SGIP1: variants seen among roughly 807,000 people sequenced by gnomAD.
SGIP1 encodes the protein SH3-containing GRB2-like protein 3-interacting protein 1.
In SGIP1, 38 loss-of-function variants were observed where a neutral mutation model predicts 107.5. The ratio of observed to expected loss-of-function variants is 0.35; its 90% CI spans 0.27 to 0.46. The LOEUF is 0.46. Among genes scored for constraint, SGIP1 ranks in the 20% least tolerant of loss-of-function variants. The pLI is 1.00. For synonymous variants in SGIP1, 365 were observed against 366.1 expected, an observed-to-expected ratio of 1.00 and a Z score of 0.03; for missense variants, 929 against 1,019.5, an observed-to-expected ratio of 0.91 and a Z score of 1.21.
In SGIP1 at chr1:66,744,689, T is replaced by C. The variant is rs1439438612; in HGVS notation, c.*1594T>C. ...AATGAGATTGTGACTGGCAATTGTT[T>C]ATAGTGAAACTTTTTAAATTAATCT... On this transcript the variant is annotated 3_prime_UTR_variant, in exon 25 of 25. Coordinates refer to ENST00000371037, the MANE Select transcript of SGIP1 (RefSeq NM_032291.4). 2 of 152,218 alleles carry C rather than the reference T, an allele frequency of 1.3e-5. No homozygotes were observed. Among genetic ancestry groups the C allele is most frequent in the African/African-American group, 4.8e-5 (2 of 41,464 alleles). The allele number at this position is 152,218 out of a possible 1,614,324, so 9.4% of individuals were successfully genotyped here. A position where few individuals can be genotyped will look rare whatever the true frequency, so the allele number is the denominator to read the frequency against.
upstream of SGIP1, chr1:66,534,052 G>A (rs902465020): frequency 8.2e-6 from 4 of 485,378 alleles, no homozygotes; most frequent in African/African-American, 7.8e-5. Flanking sequence ...GGAGATGCAG[G>A]CTGGCTACCA....
At chr1:66,564,709 C>G (rs1043314767) in intron 1 of SGIP1, among the ~76,000 whole-genome samples, 1 of 151,856 alleles carries the variant, frequency 6.6e-6, no homozygotes, top group Non-Finnish European at 1.5e-5. Context: ...CACCAGTCCA[C>G]ACAAAGGTAA....
intron 8 of SGIP1, among the ~76,000 whole-genome samples, chr1:66,661,113 C>T (rs556093757): frequency 6.6e-6 from 1 of 152,170 alleles, no homozygotes; most frequent in Non-Finnish European, 1.5e-5. Context: ...TTAGTGGCAA[C>T]ACAAGTCTGA....
intron 1 of SGIP1, among the ~76,000 whole-genome samples, chr1:66,565,935 G>C (rs2059577069): frequency 6.6e-6 from 1 of 152,004 alleles, no homozygotes; most frequent in Non-Finnish European, 1.5e-5. Context: ...ATCAAGTGTA[G>C]TGTAAATTGT....
chr1:66,695,412 G>T (rs371954900), intron 17 of SGIP1, 22 bp from the exon 18 acceptor site: 2 of 1,613,272 alleles, frequency 1.2e-6, no homozygotes, highest in African/African-American at 1.3e-5. Flanking sequence ...TTCCCATCCC[G>T]CTTCAACTCC....
intron 1 of SGIP1, among the ~76,000 whole-genome samples, chr1:66,602,432 G>T (rs529728776): frequency 3.3e-5 from 5 of 152,172 alleles, no homozygotes; most frequent in Admixed American, 2.6e-4. Context: ...ACCATGATGG[G>T]TAATTTCTGA....
rs1177716948 is a variant in SGIP1 at position 66,660,003 on chromosome 1, A to G, written c.460-510A>G. 75 of 56,440 alleles carry G rather than the reference A, an allele frequency of 1.3e-3. 4 individuals carry two copies. The highest frequency in any genetic ancestry group is 5.1e-3 in the African/African-American group (39 of 7,592). 3.5% of individuals were successfully genotyped at this position (56,440 alleles called of 1,614,324 possible). A position where few individuals can be genotyped will look rare whatever the true frequency, so the allele number is the denominator to read the frequency against. ...GAAAGAAAGAAAGAAAGAAAGACAG[A>G]CAGACAGACAGACAGGAAGGAAGGA... On this transcript the variant is annotated intron_variant, in intron 7 of 24. Transcript: ENST00000371037.
chr1:66,652,167 T>C (rs750509597), intron 7 of SGIP1, among the ~76,000 whole-genome samples: 7 of 140,534 alleles, frequency 5.0e-5, no homozygotes, highest in Non-Finnish European at 1.1e-4. Context: ...ATCTCATGGC[T>C]GTAAAATGGG....
chr1:66,654,075 A>G (rs899401073), intron 7 of SGIP1, among the ~76,000 whole-genome samples: 3 of 152,158 alleles, frequency 2.0e-5, no homozygotes, highest in African/African-American at 7.2e-5. Context: ...GTAGGTACTT[A>G]GAAAATAATT....
At position 66,630,835 on chromosome 1, in the gene SGIP1, GAA is replaced by G. The variant is rs1301267457; in HGVS notation, c.75-2233_75-2232del. On this transcript the variant is annotated intron_variant, in intron 2 of 24. Coordinates refer to ENST00000371037, the MANE Select transcript of SGIP1 (RefSeq NM_032291.4). ...AGAAAGAAAGAAAGAAAGAAAGAAAGAAAGAAAGAAAGAAAGAAAGAAAGAAA... is the reference window on the plus strand; with the variant it reads ...AGAAAGAAAGAAAGAAAGAAAGAAAGAGAAAGAAAGAAAGAAAGAAAGAAA... 2.7e-3 allele frequency among the ~76,000 whole-genome samples: 21 copies of G among 7,858 alleles called. No homozygotes were observed. In the East Asian group the frequency reaches 0.23, roughly 85 times the overall value. 5.2% of individuals were successfully genotyped at this position (7,858 alleles called of 152,430 possible).
intron 1 of SGIP1, among the ~76,000 whole-genome samples, chr1:66,607,545 A>G (rs1299299943): frequency 6.6e-6 from 1 of 152,224 alleles, no homozygotes; most frequent in Non-Finnish European, 1.5e-5. Flanking sequence ...CTCTGTCACT[A>G]AAATAAAAAC....
Position 66,744,802 on chromosome 1 carries a change from C to T in SGIP1, c.*1707C>T, listed in dbSNP as rs1368274390. 6.6e-6 allele frequency: 1 copy of T among 152,458 alleles called. No individual in the cohort carries two copies. The highest frequency in any genetic ancestry group is 1.9e-4 in the East Asian group (1 of 5,188). 9.4% of individuals were successfully genotyped at this position (152,458 alleles called of 1,614,324 possible). A position where few individuals can be genotyped will look rare whatever the true frequency, so the allele number is the denominator to read the frequency against. On this transcript the variant is annotated 3_prime_UTR_variant, in exon 25 of 25. Coordinates refer to ENST00000371037, the MANE Select transcript of SGIP1 (RefSeq NM_032291.4). ...GAAAATTCTTACTATTCAACAAACT[C>T]TCAGTTGGCCCCCTACAGCAGTCTG...
At chr1:66,696,378 C>T (rs900769851) in intron 18 of SGIP1, among the ~76,000 whole-genome samples, 1 of 152,078 alleles carries the variant, frequency 6.6e-6, no homozygotes, top group Admixed American at 6.5e-5. Context: ...ACATTTATCC[C>T]AGGATCAAAA....
chr1:66,674,767 A>G (rs1346621794), intron 12 of SGIP1, among the ~76,000 whole-genome samples: 1 of 152,200 alleles, frequency 6.6e-6, no homozygotes, highest in Non-Finnish European at 1.5e-5. Flanking sequence ...GACCACTGGA[A>G]CTCACTGCTA....
intron 1 of SGIP1, among the ~76,000 whole-genome samples, chr1:66,606,882 C>G (rs2066951308): frequency 6.6e-6 from 1 of 152,146 alleles, no homozygotes; most frequent in Non-Finnish European, 1.5e-5. Context: ...ATGTTCTTGC[C>G]TGTATTTTAT....
intron 19 of SGIP1, among the ~76,000 whole-genome samples, chr1:66,726,950 G>A (rs1447328059): frequency 2.0e-5 from 3 of 152,282 alleles, no homozygotes; most frequent in Non-Finnish European, 2.9e-5. Context: ...CAGTCTGGGT[G>A]ACAGAGAAAG....
intron 17 of SGIP1, among the ~76,000 whole-genome samples, chr1:66,692,782 G>A (rs751421961): frequency 1.3e-5 from 2 of 152,174 alleles, no homozygotes; most frequent in Non-Finnish European, 1.5e-5. Flanking sequence ...AAAGTTTTAA[G>A]AGCAAGTCTA....
chr1:66,668,346 A>T (rs2083046328), intron 9 of SGIP1, among the ~76,000 whole-genome samples: 1 of 151,986 alleles, frequency 6.6e-6, no homozygotes. Context: ...GCCTGCCACC[A>T]TGCCCAGCTA....
intron 8 of SGIP1, among the ~76,000 whole-genome samples, chr1:66,661,140 C>A (rs1025028286): frequency 1.3e-5 from 2 of 152,098 alleles, no homozygotes; most frequent in African/African-American, 4.8e-5. Context: ...GTACCTACAT[C>A]GTTTTATTTT....
Sources: gnomAD v4.1 joint callset for allele counts (sites outside exome capture counted in the v4.1 genomes callset) on GRCh38, gnomAD v4.1.1 for gene constraint, MANE v1.5 for transcripts, NCBI Gene and HGNC (gene_info 2026-07-23, HGNC 2026-07-21) for gene names.